Variants in GMPR observed in about 807,000 individuals in gnomAD.
GMPR encodes guanosine monophosphate reductase, also known as GMP reductase 1.
GMPR carries 31 observed loss-of-function variants against 38.4 expected under a neutral mutation model. The ratio of observed to expected loss-of-function variants is 0.81; its 90% CI spans 0.61 to 1.09. The LOEUF (loss-of-function observed/expected upper bound fraction) is 1.09, where lower values mean the gene tolerates loss of function less well. Among genes scored for constraint, GMPR ranks in the 50% least tolerant of loss-of-function variants. The pLI, the probability that GMPR is intolerant of heterozygous loss-of-function variation, is 0.00. For synonymous variants in GMPR, 162 were observed against 173.3 expected, an observed-to-expected ratio of 0.93 and a Z score of 0.51; for missense variants, 468 against 453.7, an observed-to-expected ratio of 1.03 and a Z score of -0.29.
At chr6:16,283,485 T>A (rs758973564) in intron 6 of GMPR, among the ~76,000 whole-genome samples, 1 of 152,224 alleles carries the variant, frequency 6.6e-6, no homozygotes, top group Non-Finnish European at 1.5e-5. Flanking sequence ...TTGCTCTTGG[T>A]TAAATGTACA....
chr6:16,295,011 C>G lies in GMPR; in HGVS notation c.863C>G (p.Ser288Cys). The G allele has an allele frequency of 6.2e-7, 1 of 1,606,844 alleles. No individual in the cohort carries two copies. The highest frequency in any genetic ancestry group is 8.5e-7 in the Non-Finnish European group (1 of 1,176,490). ...HAGGVAEYRA[S>C]EGKTVEVPYK... is the part of the protein sequence containing the mutation. ...AAACTTCTATCGTCTTCCAGAGCCTCTGAGGGTAAGACTGTGGAAGTTCCT... is the reference window on the plus strand; with the variant it reads ...AAACTTCTATCGTCTTCCAGAGCCTGTGAGGGTAAGACTGTGGAAGTTCCT... Residue 288 changes from serine to cysteine, a missense_variant, in exon 9 of 9, where the codon TCT becomes TGT. Transcript: ENST00000259727.
chr6:16,290,184 G>A (rs1175683912), intron 7 of GMPR: 1 of 343,916 alleles, frequency 2.9e-6, no homozygotes, highest in East Asian at 5.0e-5. Flanking sequence ...GGTGGTCGTA[G>A]TTAGCCATTA....
Position 16,238,711 on chromosome 6 carries a change from G to C in GMPR, c.18G>C (p.Ala6=), listed in dbSNP as rs778672609. The change falls in exon 1 of 9, where the codon GCG becomes GCC. Residue 6 remains alanine (A), a synonymous_variant. Coordinates refer to ENST00000259727, the MANE Select transcript of GMPR (RefSeq NM_006877.4). ...GCTGCACCATGCCCCGCATAGATGC[G>C]GACCTCAAGCTCGACTTCAAGGATG... The part of the protein sequence containing the change: MPRID[A]DLKLDFKDVL... The C allele has an allele frequency of 1.8e-5, 26 of 1,430,870 alleles. No homozygotes were observed. In the Admixed American group the frequency reaches 5.7e-4, roughly 31 times the overall value. The allele number at this position is 1,430,870 out of a possible 1,614,324, so 88.6% of individuals were successfully genotyped here. A position where few individuals can be genotyped will look rare whatever the true frequency, so the allele number is the denominator to read the frequency against.
intron 5 of GMPR, among the ~76,000 whole-genome samples, 167 bp from the exon 6 acceptor site, chr6:16,278,617 G>A (rs957012557): frequency 3.3e-5 from 5 of 152,174 alleles, no homozygotes; most frequent in African/African-American, 1.2e-4. Context: ...GTGGTTTACA[G>A]TGACCTCCAT....
At chr6:16,266,750 G>C (rs1325732446) in intron 4 of GMPR, among the ~76,000 whole-genome samples, 4 of 151,486 alleles carry the variant, frequency 2.6e-5, no homozygotes. Flanking sequence ...GGGGGAGCTT[G>C]ACGGCACTCC....
chr6:16,271,915 T>C (rs1759395095), intron 4 of GMPR, among the ~76,000 whole-genome samples: 1 of 152,110 alleles, frequency 6.6e-6, no homozygotes, highest in African/African-American at 2.4e-5. Flanking sequence ...TCCCATGCTG[T>C]CAAACCACTC....
At chr6:16,288,286 G>A (rs1302937113) in intron 7 of GMPR, among the ~76,000 whole-genome samples, 1 of 152,248 alleles carries the variant, frequency 6.6e-6, no homozygotes, top group Non-Finnish European at 1.5e-5. Context: ...GAGGATGCGC[G>A]AGGCGCTTGC....
intron 1 of GMPR, among the ~76,000 whole-genome samples, chr6:16,242,056 A>C (rs1758659063): frequency 6.6e-6 from 1 of 152,244 alleles, no homozygotes; most frequent in East Asian, 1.9e-4. Context: ...ATTAAAACAA[A>C]AACAAAAAAT....
At chr6:16,274,265 C>A (rs1759436257) in intron 4 of GMPR, 150 bp from the exon 5 acceptor site, 8 of 622,016 alleles carry the variant, frequency 1.3e-5, no homozygotes, top group Non-Finnish European at 2.0e-5. Flanking sequence ...CAAAAGTGGT[C>A]TCCAGGTATG....
At position 16,254,466 on chromosome 6, in the gene GMPR, T is replaced by A. The variant is rs546108767; in HGVS notation, c.292-96T>A. The A allele has an allele frequency of 5.9e-6, 6 of 1,019,370 alleles. No homozygotes were observed. The African/African-American group carries it at 7.9e-5, about 13-fold the overall frequency. 63.1% of individuals were successfully genotyped at this position (1,019,370 alleles called of 1,614,324 possible). A position where few individuals can be genotyped will look rare whatever the true frequency, so the allele number is the denominator to read the frequency against. The stretch of plus-strand genomic sequence containing the variant: ...TTGATTAGGGTAGACCGAAAAGGGT[T>A]GTTGTACTGTCCCAGAATAGGTGCA... On this transcript the variant is annotated intron_variant, in intron 3 of 8. Transcript: ENST00000259727.
chr6:16,289,252 C>A (rs1472661823), intron 7 of GMPR, among the ~76,000 whole-genome samples: 1 of 152,210 alleles, frequency 6.6e-6, no homozygotes, highest in Non-Finnish European at 1.5e-5. Context: ...CTGTTACACT[C>A]ACAGTGAGAG....
chr6:16,278,770 C>T lies in GMPR; in HGVS notation c.548-14C>T. Reference sequence around the variant, plus strand: ...ATAACCATCTATTTGGGGACAACTTCTTTCTCTGTGCAGGTTCTGTGTGCA... The same window carrying T: ...ATAACCATCTATTTGGGGACAACTTTTTTCTCTGTGCAGGTTCTGTGTGCA... On this transcript the variant is annotated splice_polypyrimidine_tract_variant and intron_variant, in intron 5 of 8. Transcript: ENST00000259727. 1 of 1,585,796 alleles carries T rather than the reference C, an allele frequency of 6.3e-7. No homozygotes were observed. Among genetic ancestry groups the T allele is most frequent in the Non-Finnish European group, 8.7e-7 (1 of 1,154,106 alleles).
intron 4 of GMPR, among the ~76,000 whole-genome samples, chr6:16,266,550 C>T (rs1425207570): frequency 1.3e-5 from 2 of 151,020 alleles, no homozygotes; most frequent in Admixed American, 1.3e-4. Flanking sequence ...CGCCTGTAAT[C>T]CTGGCACTTT....
At position 16,268,199 on chromosome 6, in the gene GMPR, A is replaced by G. The variant is rs968144118; in HGVS notation, c.466-6216A>G. On this transcript the variant is annotated intron_variant, in intron 4 of 8. Coordinates refer to ENST00000259727, the MANE Select transcript of GMPR (RefSeq NM_006877.4). Reference sequence around the variant, plus strand: ...TACAAAGGTGATGTTCTCTCTGAAGAGTCACATAATAAACTCAGTTTAACA... The same window carrying G: ...TACAAAGGTGATGTTCTCTCTGAAGGGTCACATAATAAACTCAGTTTAACA... Among the ~76,000 whole-genome samples the G allele has an allele frequency of 2.6e-5, 4 of 152,340 alleles. No individual in the cohort carries two copies. The South Asian group carries it at 6.2e-4, about 24-fold the overall frequency.
At chr6:16,267,660 G>A (rs918818033) in intron 4 of GMPR, among the ~76,000 whole-genome samples, 14 of 152,158 alleles carry the variant, frequency 9.2e-5, no homozygotes, top group African/African-American at 2.4e-4. Flanking sequence ...TGGCTCCAGC[G>A]AGACCAAGAA....
chr6:16,271,086 G>A (rs1030568111), intron 4 of GMPR, among the ~76,000 whole-genome samples: 1 of 152,156 alleles, frequency 6.6e-6, no homozygotes, highest in Admixed American at 6.5e-5. Flanking sequence ...TACCTGGTAC[G>A]TCTATGGTGA....
intron 6 of GMPR, among the ~76,000 whole-genome samples, chr6:16,285,024 A>AC (rs1355491220): frequency 1.9e-4 from 24 of 129,170 alleles, no homozygotes; most frequent in East Asian, 6.4e-4. Flanking sequence ...TCTCAAAAAA[A>AC]AAAAAAAACA....
chr6:16,291,937 G>A (rs918049387), intron 8 of GMPR, among the ~76,000 whole-genome samples: 2 of 151,562 alleles, frequency 1.3e-5, no homozygotes, highest in South Asian at 2.1e-4. Context: ...CCTGATGACA[G>A]TATACTCGCT....
rs543615303 is a variant in GMPR, at chr6:16,279,451, C to T, written c.654+561C>T. 1.9e-3 allele frequency among the ~76,000 whole-genome samples: 289 copies of T among 152,348 alleles called. 4 individuals are homozygous for T. Among genetic ancestry groups the T allele is most frequent in the African/African-American group, 6.6e-3 (273 of 41,576 alleles). On this transcript the variant is annotated intron_variant, in intron 6 of 8. Transcript: ENST00000259727. Reference sequence around the variant, plus strand: ...CTCCTCCAGGATGTCCGCATCTTAACTGATGACGTGTCCATTGTTCCTGTT... The same window carrying T: ...CTCCTCCAGGATGTCCGCATCTTAATTGATGACGTGTCCATTGTTCCTGTT...
Sources: allele counts gnomAD v4.1 joint callset (sites outside exome capture counted in the v4.1 genomes callset), GRCh38; gene constraint gnomAD v4.1.1; transcripts MANE v1.5; gene names NCBI Gene and HGNC (gene_info 2026-07-23, HGNC 2026-07-21).